Variants in LRP1B observed in about 807,000 individuals in gnomAD.
LRP1B encodes low-density lipoprotein receptor-related protein 1B.
A neutral mutation model predicts 556.6 loss-of-function variants in LRP1B; 217 were observed. The observed-to-expected ratio is 0.39, with a 90% CI of 0.35 to 0.44. LRP1B has a LOEUF of 0.44. Among genes scored for constraint, LRP1B ranks in the 20% least tolerant of loss-of-function variants. The pLI is 1.00. For synonymous variants in LRP1B, 2,047 were observed against 1,865.8 expected, an observed-to-expected ratio of 1.10 and a Z score of -2.50; for missense variants, 5,053 against 5,620.8, an observed-to-expected ratio of 0.90 and a Z score of 3.23.
chr2:140,380,265 G>T (rs1683412807), intron 67 of LRP1B, among the ~76,000 whole-genome samples: 1 of 152,098 alleles, frequency 6.6e-6, no homozygotes, highest in Admixed American at 6.5e-5. Context: ...CTTTTTCCTA[G>T]TAGGCTGTAT....
intron 60 of LRP1B, among the ~76,000 whole-genome samples, chr2:140,458,645 CTTCT>C (rs1353640671): frequency 2.6e-5 from 4 of 151,978 alleles, no homozygotes; most frequent in African/African-American, 9.7e-5. Flanking sequence ...GTAATATTTA[CTTCT>C]TTCTTAATTA....
At chr2:140,457,410 A>C in intron 61 of LRP1B, 53 bp downstream of exon 61, 2 of 1,303,738 alleles carry the variant, frequency 1.5e-6, no homozygotes, top group South Asian at 1.3e-5. Context: ...AAAAAATGGA[A>C]TGTTACTGAA....
At chr2:141,758,468 A>G (rs573840207) in intron 2 of LRP1B, among the ~76,000 whole-genome samples, 109 of 152,164 alleles carry the variant, frequency 7.2e-4, no homozygotes, top group Non-Finnish European at 1.2e-3. Context: ...AAATATATAC[A>G]TATATATGTA....
At chr2:140,596,516 A>G (rs1265742971) in intron 43 of LRP1B, among the ~76,000 whole-genome samples, 1 of 152,216 alleles carries the variant, frequency 6.6e-6, no homozygotes, top group African/African-American at 2.4e-5. Context: ...AAATTTTACT[A>G]GGCATAGTTT....
intron 3 of LRP1B, among the ~76,000 whole-genome samples, chr2:141,373,852 CTTTGT>C (rs1559036270): frequency 2.0e-5 from 3 of 151,742 alleles, no homozygotes; most frequent in Middle Eastern, 3.2e-3. Context: ...TTCCTTTTCT[CTTTGT>C]TTTATTTTGG....
chr2:140,401,389 C>T (rs1288406072), intron 66 of LRP1B, among the ~76,000 whole-genome samples: 1 of 152,170 alleles, frequency 6.6e-6, no homozygotes, highest in African/African-American at 2.4e-5. Context: ...CTTCCTGCTG[C>T]CTGCTATTCC....
At chr2:140,835,257 T>C (rs1172684614) in intron 31 of LRP1B, among the ~76,000 whole-genome samples, 5 of 152,288 alleles carry the variant, frequency 3.3e-5, no homozygotes, top group Middle Eastern at 3.4e-3. Context: ...TGAGGTCTTC[T>C]TATCTGCATT....
intron 3 of LRP1B, among the ~76,000 whole-genome samples, chr2:141,356,863 A>G (rs1688644845): frequency 1.3e-5 from 2 of 152,162 alleles, no homozygotes; most frequent in Non-Finnish European, 1.5e-5. Context: ...AATACCACTC[A>G]AAGCTTTTTT....
At chr2:140,313,099 CA>C (rs1447065309) in intron 83 of LRP1B, among the ~76,000 whole-genome samples, 4 of 151,676 alleles carry the variant, frequency 2.6e-5, no homozygotes, top group Non-Finnish European at 5.9e-5. Flanking sequence ...TCTAAAATAC[CA>C]AACAATGTTT....
intron 43 of LRP1B, among the ~76,000 whole-genome samples, chr2:140,560,501 T>C (rs566154730): frequency 9.2e-5 from 14 of 152,282 alleles, no homozygotes; most frequent in African/African-American, 3.1e-4. Flanking sequence ...CCTAACATTA[T>C]TTTAAAAATT....
chr2:141,546,213 A>C (rs1372704750), intron 2 of LRP1B, among the ~76,000 whole-genome samples: 1 of 152,004 alleles, frequency 6.6e-6, no homozygotes, highest in Non-Finnish European at 1.5e-5. Flanking sequence ...AGCTGAACCC[A>C]CTCACGATAG....
At chr2:140,668,764 T>G (rs1181828140) in intron 41 of LRP1B, among the ~76,000 whole-genome samples, 1 of 150,050 alleles carries the variant, frequency 6.7e-6, no homozygotes, top group African/African-American at 2.5e-5. Flanking sequence ...TTCAAGTAGT[T>G]TCTAAAAACT....
In LRP1B at chr2:140,412,891, C is replaced by A. The variant is rs375726459; in HGVS notation, c.10415-26882G>T. Among the ~76,000 whole-genome samples the A allele has an allele frequency of 1.7e-3, 264 of 152,058 alleles. 2 individuals are homozygous for A. The highest frequency in any genetic ancestry group is 6.2e-3 in the African/African-American group (256 of 41,516). ...TTAACTAGATAAATTTCAAAAAATT[C>A]ATGAACTATGTTTATGATATAAAAC... On this transcript the variant is annotated intron_variant, in intron 66 of 90. Coordinates refer to ENST00000389484, the MANE Select transcript of LRP1B (RefSeq NM_018557.3).
intron 35 of LRP1B, among the ~76,000 whole-genome samples, chr2:140,750,234 T>A (rs1224082977): frequency 6.6e-6 from 1 of 152,142 alleles, no homozygotes; most frequent in East Asian, 1.9e-4. Flanking sequence ...AATCAATGTT[T>A]CCAGTGGTCA....
intron 3 of LRP1B, among the ~76,000 whole-genome samples, chr2:141,419,676 G>T (rs1413452114): frequency 1.3e-5 from 2 of 151,722 alleles, no homozygotes; most frequent in African/African-American, 2.4e-5. Context: ...TCTAGCTAAA[G>T]ATTTGTCAAT....
intron 1 of LRP1B, among the ~76,000 whole-genome samples, chr2:141,916,835 G>A (rs972944558): frequency 1.3e-5 from 2 of 152,100 alleles, no homozygotes; most frequent in Admixed American, 6.6e-5. Flanking sequence ...CACTGTCTGC[G>A]TGATGGGACA....
At position 140,274,448 on chromosome 2, in the gene LRP1B, T is replaced by C; in HGVS notation, c.13118A>G (p.Lys4373Arg). Reference protein sequence around the residue: ...RCHGGHCIINKDSEDIFCNCT... With the variant: ...RCHGGHCIINRDSEDIFCNCT... ...CTTGCAAAATATATCTTCACTGTCT[T>C]TATTTATAATGCAGTGCCCCCCATG... is the stretch of plus-strand genomic sequence containing the variant. Residue 4373 changes from lysine (K) to arginine (R), a missense_variant, in exon 85 of 91, where the codon AAA (lysine) becomes AGA (arginine). Coordinates refer to ENST00000389484, the MANE Select transcript of LRP1B (RefSeq NM_018557.3). 1 of 1,612,528 alleles carries C rather than the reference T, an allele frequency of 6.2e-7. No individual in the cohort carries two copies. Among genetic ancestry groups the C allele is most frequent in the Non-Finnish European group, 8.5e-7 (1 of 1,179,000 alleles).
At chr2:141,580,887 T>C (rs1686939079) in intron 2 of LRP1B, among the ~76,000 whole-genome samples, 1 of 152,180 alleles carries the variant, frequency 6.6e-6, no homozygotes, top group Non-Finnish European at 1.5e-5. Flanking sequence ...AATTACACAT[T>C]GAAATGTAAA....
intron 41 of LRP1B, among the ~76,000 whole-genome samples, chr2:140,675,301 C>T (rs1685632768): frequency 6.6e-6 from 1 of 152,038 alleles, no homozygotes; most frequent in Admixed American, 6.6e-5. Flanking sequence ...ATAAAACTGA[C>T]CAGCACACTT....
Sources: allele counts gnomAD v4.1 joint callset (sites outside exome capture counted in the v4.1 genomes callset), GRCh38; gene constraint gnomAD v4.1.1; transcripts MANE v1.5; gene names NCBI Gene and HGNC (gene_info 2026-07-23, HGNC 2026-07-21).